Variants in FMN2 observed in about 807,000 individuals in gnomAD.
FMN2 encodes formin-2.
In FMN2, 51 loss-of-function variants were observed where a neutral mutation model predicts 142.3. The observed-to-expected ratio is 0.36, with a 90% CI of 0.29 to 0.45. The LOEUF is 0.45. Among genes scored for constraint, FMN2 ranks in the 20% least tolerant of loss-of-function variants. The probability of loss-of-function intolerance (pLI) is 1.00; values close to 1 mark genes in which losing one functional copy is unlikely to be tolerated. For missense variants in FMN2, 1,936 were observed against 2,122.8 expected (o/e 0.91, Z 1.73); for synonymous variants, 882 against 869.8 (o/e 1.01, Z -0.25).
chr1:240,188,792 AAAG>A (rs1348895754), intron 4 of FMN2, among the ~76,000 whole-genome samples: 1 of 152,186 alleles, frequency 6.6e-6, no homozygotes, highest in Non-Finnish European at 1.5e-5. Context: ...TTTACAAAAG[AAAG>A]AGGCTTATTG....
intron 2 of FMN2, among the ~76,000 whole-genome samples, chr1:240,137,035 A>T (rs947117145): frequency 7.2e-6 from 1 of 138,078 alleles, no homozygotes; most frequent in African/African-American, 2.8e-5. Context: ...GCGCTACTGC[A>T]CTCCAGCCTG....
At chr1:240,399,278 A>G (rs1673892662) in intron 15 of FMN2, among the ~76,000 whole-genome samples, 1 of 152,190 alleles carries the variant, frequency 6.6e-6, no homozygotes, top group South Asian at 2.1e-4. Flanking sequence ...ATTTACCATA[A>G]TACCTGAGCT....
At chr1:240,361,980 G>A (rs1412009810) in intron 14 of FMN2, among the ~76,000 whole-genome samples, 3 of 152,166 alleles carry the variant, frequency 2.0e-5, no homozygotes, top group Non-Finnish European at 2.9e-5. Flanking sequence ...GGGCAAATGC[G>A]AATACTCATA....
chr1:240,445,947 A>G (rs977229501), intron 16 of FMN2, among the ~76,000 whole-genome samples: 1 of 152,306 alleles, frequency 6.6e-6, no homozygotes. Context: ...TTTGCTGTTC[A>G]CAGGCTCCTG....
intron 6 of FMN2, 41 bp downstream of exon 6, chr1:240,211,276 G>A (rs776005364): frequency 1.9e-6 from 3 of 1,591,944 alleles, no homozygotes; most frequent in Non-Finnish European, 2.6e-6. Flanking sequence ...CAGTGTTTCT[G>A]GCATAAGTGT....
chr1:240,093,224 A>G lies in FMN2; in HGVS notation c.1115A>G (p.Glu372Gly). 1 of 1,525,842 alleles carries G rather than the reference A, an allele frequency of 6.6e-7. No homozygotes were observed. The highest frequency in any genetic ancestry group is 8.8e-7 in the Non-Finnish European group (1 of 1,138,272). 94.5% of individuals were successfully genotyped at this position (1,525,842 alleles called of 1,614,324 possible). ...PGEEWAPEVG[E>G]DAPQRLGEEP... is the part of the protein sequence containing the mutation. ...GAGGAGTGGGCCCCGGAGGTGGGAG[A>G]GGACGCCCCGCAGAGGCTGGGGGAA... The change falls in exon 1 of 18, where the codon GAG becomes GGG. Residue 372 changes from glutamate (E) to glycine (G), a missense_variant. Around this residue, in one of 8 missense-constraint regions of FMN2, gnomAD observed 751 missense variants for 791.8 expected, o/e 0.95. Transcript: ENST00000319653.
intron 2 of FMN2, among the ~76,000 whole-genome samples, chr1:240,157,610 G>A (rs1664075991): frequency 1.3e-5 from 2 of 152,082 alleles, no homozygotes; most frequent in Non-Finnish European, 2.9e-5. Context: ...GTGGGGGAAA[G>A]GAAGGAATGA....
At chr1:240,346,454 G>C (rs999097398) in intron 13 of FMN2, among the ~76,000 whole-genome samples, 1 of 152,026 alleles carries the variant, frequency 6.6e-6, no homozygotes, top group Non-Finnish European at 1.5e-5. Flanking sequence ...CACAGGAAGC[G>C]AACCCATGGA....
At chr1:240,465,319 T>C (rs1051122479) in intron 16 of FMN2, among the ~76,000 whole-genome samples, 4 of 144,420 alleles carry the variant, frequency 2.8e-5, no homozygotes, top group African/African-American at 1.0e-4. Flanking sequence ...CTCCCTACCT[T>C]ATGCCTCCCT....
At chr1:240,368,610 C>T (rs898944594) in intron 14 of FMN2, among the ~76,000 whole-genome samples, 22 of 152,004 alleles carry the variant, frequency 1.4e-4, no homozygotes, top group African/African-American at 4.1e-4. Context: ...GATATCACTG[C>T]GAATAATGAC....
intron 7 of FMN2, among the ~76,000 whole-genome samples, chr1:240,286,945 T>C (rs1231184643): frequency 2.0e-5 from 3 of 152,190 alleles, no homozygotes; most frequent in Non-Finnish European, 2.9e-5. Flanking sequence ...TATTTGTCGA[T>C]GTGTCTTTCT....
chr1:240,414,123 G>C (rs567707011), intron 15 of FMN2, among the ~76,000 whole-genome samples: 1 of 152,310 alleles, frequency 6.6e-6, no homozygotes, highest in East Asian at 1.9e-4. Flanking sequence ...GTGTGGACTT[G>C]GTTGTGGTGA....
At chr1:240,309,841 A>G (rs1670542800) in intron 8 of FMN2, among the ~76,000 whole-genome samples, 1 of 152,022 alleles carries the variant, frequency 6.6e-6, no homozygotes, top group South Asian at 2.1e-4. Context: ...GATGGTAGGG[A>G]GGGTTGAGGT....
At chr1:240,136,542 A>G (rs1344084531) in intron 2 of FMN2, among the ~76,000 whole-genome samples, 2 of 152,242 alleles carry the variant, frequency 1.3e-5, no homozygotes, top group East Asian at 3.9e-4. Flanking sequence ...TGACTTTCAC[A>G]ACTGGTACTT....
At chr1:240,436,137 G>C (rs1010039942) in intron 15 of FMN2, among the ~76,000 whole-genome samples, 1 of 152,198 alleles carries the variant, frequency 6.6e-6, no homozygotes, top group Admixed American at 6.5e-5. Flanking sequence ...AACACATTCC[G>C]CCAGGTGCAT....
At chr1:240,413,071 C>T (rs530323435) in intron 15 of FMN2, among the ~76,000 whole-genome samples, 5 of 123,510 alleles carry the variant, frequency 4.0e-5, no homozygotes, top group African/African-American at 1.6e-4. Context: ...TGCAGTGAGC[C>T]GAGATGGTGC....
chr1:240,125,933 T>C (rs1057033818), intron 2 of FMN2, among the ~76,000 whole-genome samples: 1 of 152,200 alleles, frequency 6.6e-6, no homozygotes. Flanking sequence ...TTCCTTCAAC[T>C]TGATGTGATT....
intron 1 of FMN2, among the ~76,000 whole-genome samples, chr1:240,120,373 G>A (rs764835935): frequency 2.1e-4 from 32 of 152,152 alleles, no homozygotes; most frequent in Admixed American, 2.0e-4. Context: ...GAGACCTTAC[G>A]TGTGGCTCAT....
chr1:240,364,538 G>A (rs1672597751), intron 14 of FMN2, among the ~76,000 whole-genome samples: 1 of 152,040 alleles, frequency 6.6e-6, no homozygotes, highest in Admixed American at 6.6e-5. Context: ...AATTTGAAGT[G>A]ATTCTTCTGG....
Sources: gnomAD v4.1 joint callset for allele counts (sites outside exome capture counted in the v4.1 genomes callset) on GRCh38, gnomAD v4.1.1 for gene constraint, gnomAD v4.1.1 regional missense constraint, MANE v1.5 for transcripts, NCBI Gene and HGNC (gene_info 2026-07-23, HGNC 2026-07-21) for gene names.